LRP1B: variants seen among roughly 807,000 people sequenced by gnomAD.
LRP1B encodes the protein LDL receptor related protein 1B, also known as low-density lipoprotein receptor-related protein 1B.
LRP1B carries 217 observed loss-of-function variants against 556.6 expected under a neutral mutation model. The observed-to-expected ratio is 0.39, with a 90% CI of 0.35 to 0.44. The LOEUF is 0.44. Among genes scored for constraint, LRP1B ranks in the 20% least tolerant of loss-of-function variants. The pLI is 1.00. For missense variants in LRP1B, 5,053 were observed against 5,620.8 expected, an observed-to-expected ratio of 0.90 and a Z score of 3.23; for synonymous variants, 2,047 against 1,865.8, an observed-to-expected ratio of 1.10 and a Z score of -2.50.
intron 3 of LRP1B, among the ~76,000 whole-genome samples, chr2:141,339,310 A>AGAAAAT (rs1553499039): frequency 1.7e-5 from 2 of 121,166 alleles, no homozygotes; most frequent in African/African-American, 6.4e-5. Flanking sequence ...CAAAAAAAAA[A>AGAAAAT]AAAAGCATTC....
At chr2:141,905,508 TA>T (rs980621261) in intron 1 of LRP1B, among the ~76,000 whole-genome samples, 2 of 151,682 alleles carry the variant, frequency 1.3e-5, no homozygotes, top group Non-Finnish European at 2.9e-5. Context: ...AGGCAAAATT[TA>T]AGACAATTGT....
At chr2:142,037,366 A>C (rs1703914916) in intron 1 of LRP1B, among the ~76,000 whole-genome samples, 1 of 151,570 alleles carries the variant, frequency 6.6e-6, no homozygotes, top group South Asian at 2.1e-4. Context: ...CTGGTTTAGA[A>C]CTTTAGAGGG....
chr2:141,043,139 G>T (rs1378644423), intron 11 of LRP1B, among the ~76,000 whole-genome samples: 1 of 150,726 alleles, frequency 6.6e-6, no homozygotes, highest in Non-Finnish European at 1.5e-5. Context: ...GGAGGAGGAG[G>T]ATGCAGTGAG....
chr2:140,870,770 T>G (rs1013500666), intron 25 of LRP1B, among the ~76,000 whole-genome samples: 9 of 152,102 alleles, frequency 5.9e-5, no homozygotes, highest in African/African-American at 2.2e-4. Flanking sequence ...TCCTTGAAAA[T>G]AGCAATTTGC....
At chr2:141,629,954 C>T (rs1001032031) in intron 2 of LRP1B, among the ~76,000 whole-genome samples, 1 of 152,024 alleles carries the variant, frequency 6.6e-6, no homozygotes, top group African/African-American at 2.4e-5. Context: ...AGAGCAGTCC[C>T]ACCCCATGTC....
chr2:140,415,955 T>C (rs964296168), intron 66 of LRP1B, among the ~76,000 whole-genome samples: 1 of 152,236 alleles, frequency 6.6e-6, no homozygotes, highest in Non-Finnish European at 1.5e-5. Flanking sequence ...CATGGATTCC[T>C]GTGCAATACA....
In LRP1B at chr2:141,209,335, G is replaced by A. The variant is rs140817636; in HGVS notation, c.850+19848C>T. Among the ~76,000 whole-genome samples, 62 of 152,078 alleles carry A rather than the reference G, an allele frequency of 4.1e-4. 1 individual carries two copies. The East Asian group carries it at 0.012, about 29-fold the overall frequency. On this transcript the variant is annotated intron_variant, in intron 6 of 90. Coordinates refer to ENST00000389484, the MANE Select transcript of LRP1B (RefSeq NM_018557.3). ...TAAAGGGCTTTCTCCCCTTTTGCTG[G>A]GCACTTCTCCTTGCTGCTAACATGT...
chr2:140,736,740 C>T (rs1486111892), intron 35 of LRP1B, among the ~76,000 whole-genome samples: 1 of 152,104 alleles, frequency 6.6e-6, no homozygotes, highest in Non-Finnish European at 1.5e-5. Context: ...AGACCTAAAA[C>T]CATAAAAATC....
intron 1 of LRP1B, among the ~76,000 whole-genome samples, chr2:141,865,271 C>T (rs1160726721): frequency 1.3e-5 from 2 of 152,002 alleles, no homozygotes; most frequent in African/African-American, 4.8e-5. Context: ...TATAAAAGGA[C>T]TCATGAAAAA....
chr2:141,038,860 C>A (rs926397957), intron 11 of LRP1B, among the ~76,000 whole-genome samples: 1 of 152,088 alleles, frequency 6.6e-6, no homozygotes, highest in African/African-American at 2.4e-5. Flanking sequence ...GAATGTATTT[C>A]TTTATTTTAA....
chr2:140,771,583 A>G (rs761738048), intron 33 of LRP1B, among the ~76,000 whole-genome samples: 5 of 152,208 alleles, frequency 3.3e-5, no homozygotes, highest in Non-Finnish European at 4.4e-5. Flanking sequence ...ATTAATTGGC[A>G]TATTAATTCC....
rs571370892 is a variant in LRP1B, at chr2:140,653,444, T to C, written c.6799+46806A>G. 2.1e-4 allele frequency among the ~76,000 whole-genome samples: 32 copies of C among 151,916 alleles called. No homozygotes were observed. In the East Asian group the frequency reaches 5.8e-3, roughly 28 times the overall value. ...TGAATCCGTGGAGACTAGAAAGTTGTATGAAAAAGGAAAAATAGGCATCAT... is the reference window on the plus strand; with the variant it reads ...TGAATCCGTGGAGACTAGAAAGTTGCATGAAAAAGGAAAAATAGGCATCAT... On this transcript the variant is annotated intron_variant, in intron 41 of 90. Coordinates refer to ENST00000389484, the MANE Select transcript of LRP1B (RefSeq NM_018557.3).
intron 1 of LRP1B, among the ~76,000 whole-genome samples, chr2:141,843,700 GTAT>G (rs1697551569): frequency 6.6e-6 from 1 of 152,070 alleles, no homozygotes. Context: ...CCTGGACCAG[GTAT>G]TATTTCCCAA....
intron 31 of LRP1B, among the ~76,000 whole-genome samples, chr2:140,816,903 C>T (rs1328857351): frequency 6.6e-6 from 1 of 152,068 alleles, no homozygotes; most frequent in Non-Finnish European, 1.5e-5. Context: ...GTCCCAACAA[C>T]ACTAAATGAT....
chr2:140,744,224 T>C (rs1176044511), intron 35 of LRP1B, among the ~76,000 whole-genome samples: 2 of 152,168 alleles, frequency 1.3e-5, no homozygotes, highest in African/African-American at 4.8e-5. Context: ...TTGCATTGCA[T>C]TGATATACAT....
At chr2:140,278,178 T>C (rs1682764569) in intron 84 of LRP1B, among the ~76,000 whole-genome samples, 1 of 151,910 alleles carries the variant, frequency 6.6e-6, no homozygotes, top group Non-Finnish European at 1.5e-5. Flanking sequence ...GAATCTATGG[T>C]TTTAGAAGTC....
intron 3 of LRP1B, among the ~76,000 whole-genome samples, chr2:141,431,883 TAC>T (rs1680575699): frequency 6.6e-6 from 1 of 152,186 alleles, no homozygotes; most frequent in Non-Finnish European, 1.5e-5. Context: ...AGATTTACTA[TAC>T]ATAAGGTCAT....
At chr2:141,446,382 T>A (rs1224375360) in intron 3 of LRP1B, among the ~76,000 whole-genome samples, 1 of 152,222 alleles carries the variant, frequency 6.6e-6, no homozygotes, top group Non-Finnish European at 1.5e-5. Context: ...GTCTGTGTCT[T>A]TTAATTGGGG....
intron 18 of LRP1B, among the ~76,000 whole-genome samples, chr2:140,964,349 T>C (rs191938358): frequency 0.027 from 4,103 of 152,236 alleles, 153 homozygotes; most frequent in African/African-American, 0.086. Flanking sequence ...GCCTGACTGA[T>C]GTCAGGCCCT....
Sources: gnomAD v4.1 joint callset for allele counts (sites outside exome capture counted in the v4.1 genomes callset) on GRCh38, gnomAD v4.1.1 for gene constraint, MANE v1.5 for transcripts, NCBI Gene and HGNC (gene_info 2026-07-23, HGNC 2026-07-21) for gene names.